Variants in AMOTL2 observed in about 807,000 individuals in gnomAD.
AMOTL2 encodes the protein angiomotin-like protein 2.
AMOTL2 carries 33 observed loss-of-function variants against 78.4 expected under a neutral mutation model. That is an observed-to-expected ratio of 0.42 (90% CI 0.32 to 0.56). AMOTL2 has a LOEUF of 0.56. Among genes scored for constraint, AMOTL2 ranks in the 20% least tolerant of loss-of-function variants. The pLI is 0.12. For missense variants in AMOTL2, 983 were observed against 1,030.1 expected (o/e 0.95, Z 0.63); for synonymous variants, 422 against 428.8 (o/e 0.98, Z 0.20).
chr3:134,355,403 A>C lies in AMOTL2; in HGVS notation c.*2302T>G, dbSNP rs2017043891. Among the ~76,000 whole-genome samples, 1 of 152,210 alleles carries C rather than the reference A, an allele frequency of 6.6e-6. No homozygotes were observed. Among genetic ancestry groups the C allele is most frequent in the Admixed American group, 6.5e-5 (1 of 15,282 alleles). ...GCAATATGCTTTCCTGAGCATCAGGAAAGAGTGGTGATGTCACAGCAAAGG... is the reference window on the plus strand; with the variant it reads ...GCAATATGCTTTCCTGAGCATCAGGCAAGAGTGGTGATGTCACAGCAAAGG... On this transcript the variant is annotated 3_prime_UTR_variant, in exon 10 of 10. Transcript: ENST00000249883.
chr3:134,362,137 C>G (rs1316144324), intron 5 of AMOTL2, among the ~76,000 whole-genome samples: 1 of 152,196 alleles, frequency 6.6e-6, no homozygotes, highest in Non-Finnish European at 1.5e-5. Context: ...TCCACAATAT[C>G]CCTTGAACCT....
chr3:134,366,483 C>G (rs1454541320), intron 3 of AMOTL2, 56 bp from the exon 4 acceptor site: 1 of 1,556,714 alleles, frequency 6.4e-7, no homozygotes, highest in Non-Finnish European at 8.7e-7. Flanking sequence ...GGGAGTGATT[C>G]GAGGCTGACC....
intron 5 of AMOTL2, among the ~76,000 whole-genome samples, chr3:134,362,827 G>A (rs1002685753): frequency 2.6e-5 from 4 of 152,224 alleles, no homozygotes; most frequent in Non-Finnish European, 4.4e-5. Context: ...TGCCCCCTGA[G>A]GAGCAGGTCA....
At position 134,360,246 on chromosome 3, in the gene AMOTL2, C is replaced by G. The variant is rs376869456; in HGVS notation, c.1743G>C (p.Gln581His). 1 of 1,614,098 alleles carries G rather than the reference C, an allele frequency of 6.2e-7. No individual in the cohort carries two copies. The highest frequency in any genetic ancestry group is 8.5e-7 in the Non-Finnish European group (1 of 1,180,022). Reference sequence around the variant, plus strand: ...CCGTGGCAGCCGCATCCATGGCAAACTGCCTCATGGCACGTTCCTCCAAAT... The same window carrying G: ...CCGTGGCAGCCGCATCCATGGCAAAGTGCCTCATGGCACGTTCCTCCAAAT... ...QKYLEERAMR[Q>H]FAMDAAATAA... Residue 581 changes from glutamine to histidine, a missense_variant, in exon 7 of 10, where the codon CAG becomes CAC. By Grantham distance (24) the Gln-to-His change is conservative (BLOSUM62 0). Coordinates refer to ENST00000249883, the MANE Select transcript of AMOTL2 (RefSeq NM_016201.4).
In AMOTL2 at chr3:134,355,546, G is replaced by A. The variant is rs1354739069; in HGVS notation, c.*2159C>T. On this transcript the variant is annotated 3_prime_UTR_variant, in exon 10 of 10. Transcript: ENST00000249883. ...AGGTGGGAGTGGGAAAAGGAGTGGG[G>A]GAAGGATAAAGCCATCTTTGGACAC... 6.6e-6 allele frequency among the ~76,000 whole-genome samples: 1 copy of A among 152,132 alleles called. No homozygotes were observed. The highest frequency in any genetic ancestry group is 2.4e-5 in the African/African-American group (1 of 41,412).
upstream of AMOTL2, chr3:134,375,157 T>C: frequency 6.5e-7 from 1 of 1,533,894 alleles, no homozygotes; most frequent in Admixed American, 2.0e-5. Flanking sequence ...TGAATCTGGG[T>C]TGGAAAATCC....
At chr3:134,369,770 G>A (rs1246498569) in intron 2 of AMOTL2, among the ~76,000 whole-genome samples, 1 of 152,192 alleles carries the variant, frequency 6.6e-6, no homozygotes, top group East Asian at 1.9e-4. Flanking sequence ...GGGGTCCCTT[G>A]GTGGGGTTTC....
In AMOTL2 at chr3:134,361,806, G is replaced by C. The variant is rs2107738672; in HGVS notation, c.1281C>G (p.Ser427Arg). ...TCTCTTGCTCCTGCTGCTGTTCGTA[G>C]CCTGTAGGGAGAAAGAGGCTTGATC... Reference protein sequence around the residue: ...QDMVAKLLAQSYEQQQEQEKL... With the variant: ...QDMVAKLLAQRYEQQQEQEKL... Residue 427 changes from serine (S) to arginine (R), a missense_variant and splice_region_variant, in exon 6 of 10, where the codon AGC becomes AGG. Coordinates refer to ENST00000249883, the MANE Select transcript of AMOTL2 (RefSeq NM_016201.4). 10 of 1,545,138 alleles carry C rather than the reference G, an allele frequency of 6.5e-6. No individual in the cohort carries two copies. The highest frequency in any genetic ancestry group is 8.8e-6 in the Non-Finnish European group (10 of 1,140,468).
intron 5 of AMOTL2, among the ~76,000 whole-genome samples, chr3:134,362,404 A>C (rs926279149): frequency 1.3e-5 from 2 of 152,190 alleles, no homozygotes; most frequent in African/African-American, 4.8e-5. Context: ...TGCCAAATGG[A>C]AACCCCAGTT....
chr3:134,365,099 T>A (rs113947515), intron 5 of AMOTL2, among the ~76,000 whole-genome samples: 1 of 152,108 alleles, frequency 6.6e-6, no homozygotes, highest in African/African-American at 2.4e-5. Flanking sequence ...ACCCCCGTTG[T>A]TCTTTTGCAT....
intron 8 of AMOTL2, 32 bp from the exon 9 acceptor site, chr3:134,358,751 C>T (rs779162192): frequency 6.2e-7 from 1 of 1,611,830 alleles, no homozygotes; most frequent in Non-Finnish European, 8.5e-7. Flanking sequence ...TATTGCCATG[C>T]CTGTAAGATG....
rs770344425 is a variant in AMOTL2, at chr3:134,357,700, C to A, written c.*5G>T. On this transcript the variant is annotated 3_prime_UTR_variant, in exon 10 of 10. Coordinates refer to ENST00000249883, the MANE Select transcript of AMOTL2 (RefSeq NM_016201.4). ...ATGGCTCAGAGTCCTGAAGCACCAC[C>A]TCCTTCAGATCAGTATCTCCACCAT... 5.0e-6 allele frequency: 8 copies of A among 1,613,818 alleles called. No individual in the cohort carries two copies. The highest frequency in any genetic ancestry group is 1.3e-5 in the African/African-American group (1 of 74,920).
chr3:134,365,736 C>T (rs1315132049), intron 5 of AMOTL2, 81 bp downstream of exon 5: 4 of 1,321,734 alleles, frequency 3.0e-6, no homozygotes, highest in Admixed American at 3.9e-5. Flanking sequence ...AGGGGGAAGG[C>T]CAATCTTCCT....
At position 134,360,216 on chromosome 3, in the gene AMOTL2, A is replaced by G. The variant is rs755855347; in HGVS notation, c.1773T>C (p.Ala591=). 3.1e-6 allele frequency: 5 copies of G among 1,614,152 alleles called. No individual in the cohort carries two copies. Among genetic ancestry groups the G allele is most frequent in the Non-Finnish European group, 4.2e-6 (5 of 1,180,004 alleles). ...GGATGAGAGTGGTGTCACGCTGAGC[A>G]GCAGCCGTGGCAGCCGCATCCATGG... ...QFAMDAAATA[A]AQRDTTLIRH... The change falls in exon 7 of 10, where the codon GCT becomes GCC. Residue 591 remains alanine, a synonymous_variant. Coordinates refer to ENST00000249883, the MANE Select transcript of AMOTL2 (RefSeq NM_016201.4).
Position 134,374,313 on chromosome 3 carries a change from T to C in AMOTL2, c.-62+29A>G, listed in dbSNP as rs569478641. The C allele has an allele frequency of 2.0e-3, 1,932 of 985,308 alleles. 4 individuals carry two copies. Among genetic ancestry groups the C allele is most frequent in the Middle Eastern group, 5.7e-3 (11 of 1,914 alleles). 61.0% of individuals were successfully genotyped at this position (985,308 alleles called of 1,614,324 possible). A position where few individuals can be genotyped will look rare whatever the true frequency, so the allele number is the denominator to read the frequency against. On this transcript the variant is annotated intron_variant, in intron 1 of 9. Coordinates refer to ENST00000249883, the MANE Select transcript of AMOTL2 (RefSeq NM_016201.4). The stretch of plus-strand genomic sequence containing the variant: ...GGCACGTTTCTGTGGCCTCGCGCGC[T>C]CTCCCGAGCGCCGAGCGGCCTTCCT...
intron 2 of AMOTL2, among the ~76,000 whole-genome samples, chr3:134,369,159 G>GT (rs1249600702): frequency 6.6e-6 from 1 of 152,186 alleles, no homozygotes; most frequent in Non-Finnish European, 1.5e-5. Context: ...TTGGGCAGAT[G>GT]TATTTCTCCT....
upstream of AMOTL2, chr3:134,374,475 C>CA: frequency 2.0e-6 from 2 of 985,636 alleles, no homozygotes; most frequent in Non-Finnish European, 2.4e-6. Context: ...CGCGCAGCCC[C>CA]AGGGTCGGCC....
Position 134,370,814 on chromosome 3 carries a change from C to A in AMOTL2, c.620G>T (p.Arg207Leu), listed in dbSNP as rs762578485. Residue 207 changes from arginine (R) to leucine (L), a missense_variant, in exon 2 of 10, where the codon CGA becomes CTA. Coordinates refer to ENST00000249883, the MANE Select transcript of AMOTL2 (RefSeq NM_016201.4). ...ATGAGGGTACTGAGGTGGGGGTCCT[C>A]GGGACTCTGGGCCCTCAGCAGGGGG... ...RGPPAEGPES[R>L]GPPPQYPHVV... 17 of 1,571,214 alleles carry A rather than the reference C, an allele frequency of 1.1e-5. No homozygotes were observed. Among genetic ancestry groups the A allele is most frequent in the East Asian group, 2.3e-5 (1 of 44,386 alleles).
rs180920645 is a variant in AMOTL2 at position 134,371,471 on chromosome 3, C to T, written c.-38G>A. ...TGCACACAGCTGCCTGGACAATGGC[C>T]GGTGGCACCTGGCCCCAGAGCACCT... On this transcript the variant is annotated 5_prime_UTR_variant, in exon 2 of 10. Coordinates refer to ENST00000249883, the MANE Select transcript of AMOTL2 (RefSeq NM_016201.4). 6.3e-5 allele frequency: 101 copies of T among 1,590,778 alleles called. No homozygotes were observed. The African/African-American group carries it at 1.1e-3, about 17-fold the overall frequency.
Sources: allele counts gnomAD v4.1 joint callset (sites outside exome capture counted in the v4.1 genomes callset), GRCh38; gene constraint gnomAD v4.1.1; transcripts MANE v1.5; gene names NCBI Gene and HGNC (gene_info 2026-07-23, HGNC 2026-07-21).